The following SIL1 variants were observed in gnomAD, a reference collection of about 807,000 sequenced individuals.
The protein encoded by SIL1 is nucleotide exchange factor SIL1.
A neutral mutation model predicts 49.1 loss-of-function variants in SIL1; 40 were observed. That is an observed-to-expected ratio of 0.81 (90% CI 0.63 to 1.06). The LOEUF (loss-of-function observed/expected upper bound fraction) is 1.06, where lower values mean the gene tolerates loss of function less well. Among genes scored for constraint, SIL1 ranks in the 50% least tolerant of loss-of-function variants. SIL1 has a pLI of 0.00. For synonymous variants in SIL1, 253 were observed against 250.8 expected, an observed-to-expected ratio of 1.01 and a Z score of -0.08; for missense variants, 500 against 572.6, an observed-to-expected ratio of 0.87 and a Z score of 1.29.
chr5:139,112,574 GC>G (rs746321575), intron 3 of SIL1, among the ~76,000 whole-genome samples: 1 of 144,384 alleles, frequency 6.9e-6, no homozygotes, highest in South Asian at 2.2e-4. Context: ...CCCGGCAGCC[GC>G]CCCGTCTGGG....
At chr5:139,057,743 T>C (rs1355108224) in intron 3 of SIL1, among the ~76,000 whole-genome samples, 1 of 152,138 alleles carries the variant, frequency 6.6e-6, no homozygotes. Context: ...TATAACAGAG[T>C]AACTTAGACT....
intron 1 of SIL1, among the ~76,000 whole-genome samples, chr5:139,151,682 C>G (rs1751303868): frequency 6.6e-6 from 1 of 152,142 alleles, no homozygotes; most frequent in Non-Finnish European, 1.5e-5. Flanking sequence ...TGAGCTCCCG[C>G]AACTGCACAG....
chr5:139,063,324 A>G lies in SIL1; in HGVS notation c.245-12278T>C, dbSNP rs536710914. 2.0e-5 allele frequency among the ~76,000 whole-genome samples: 3 copies of G among 152,358 alleles called. No homozygotes were observed. The East Asian group carries it at 5.8e-4, about 29-fold the overall frequency. The stretch of plus-strand genomic sequence containing the variant: ...CCTAGGGGGCCTACCACAGCCCCCA[A>G]ATTTAATAAATCCAGGGATGGAATA... On this transcript the variant is annotated intron_variant, in intron 3 of 9. Transcript: ENST00000394817.
At chr5:139,113,196 A>G (rs62381240) in intron 3 of SIL1, among the ~76,000 whole-genome samples, 2,838 of 151,924 alleles carry the variant, frequency 0.019, 42 homozygotes, top group South Asian at 0.057. Context: ...GAAAACCAGA[A>G]ACCTTTGTTC....
intron 7 of SIL1, among the ~76,000 whole-genome samples, chr5:138,997,816 C>T (rs1386189137): frequency 6.6e-6 from 1 of 152,202 alleles, no homozygotes; most frequent in Non-Finnish European, 1.5e-5. Flanking sequence ...GCCTTGGCCT[C>T]CCAAACTGCT....
intron 3 of SIL1, among the ~76,000 whole-genome samples, chr5:139,107,637 T>C (rs1371602051): frequency 1.3e-5 from 2 of 152,206 alleles, no homozygotes; most frequent in African/African-American, 4.8e-5. Flanking sequence ...TCCTCCAATC[T>C]GTGACAGTTC....
intron 7 of SIL1, among the ~76,000 whole-genome samples, chr5:139,006,976 G>GT (rs1337401280): frequency 2.1e-5 from 3 of 143,708 alleles, no homozygotes; most frequent in African/African-American, 5.3e-5. Context: ...CTTTAAAGTA[G>GT]TTTTTTCCAA....
intron 3 of SIL1, among the ~76,000 whole-genome samples, chr5:139,099,610 T>G (rs1770543366): frequency 2.0e-5 from 3 of 151,794 alleles, no homozygotes; most frequent in Admixed American, 2.0e-4. Flanking sequence ...AAAAAAAGAA[T>G]GAGATCCTAT....
chr5:138,964,274 A>G (rs1015392656), intron 7 of SIL1, among the ~76,000 whole-genome samples: 19 of 152,336 alleles, frequency 1.2e-4, no homozygotes, highest in African/African-American at 4.3e-4. Context: ...CCAGGGCTAG[A>G]GCAAAGAACG....
chr5:139,060,344 G>A (rs1769558099), intron 3 of SIL1, among the ~76,000 whole-genome samples: 1 of 151,620 alleles, frequency 6.6e-6, no homozygotes, highest in Non-Finnish European at 1.5e-5. Flanking sequence ...CATTCCAATG[G>A]TCCCGAAACA....
chr5:139,027,421 C>A (rs1376959228), intron 5 of SIL1, among the ~76,000 whole-genome samples: 1 of 152,216 alleles, frequency 6.6e-6, no homozygotes, highest in East Asian at 1.9e-4. Flanking sequence ...CTTGCCCTAC[C>A]CAATCCAACA....
At chr5:139,061,178 GT>G (rs1769579758) in intron 3 of SIL1, among the ~76,000 whole-genome samples, 1 of 152,222 alleles carries the variant, frequency 6.6e-6, no homozygotes, top group Admixed American at 6.5e-5. Flanking sequence ...CCAGTGTCCA[GT>G]GCTTAGAAAC....
chr5:139,168,056 C>T (rs1298414794), intron 1 of SIL1, among the ~76,000 whole-genome samples: 2 of 152,150 alleles, frequency 1.3e-5, no homozygotes, highest in Non-Finnish European at 1.5e-5. Flanking sequence ...TACATAAATG[C>T]TTACCATTGT....
chr5:138,951,959 G>A (rs1403783967), intron 7 of SIL1, 75 bp from the exon 8 acceptor site: 1 of 1,286,588 alleles, frequency 7.8e-7, no homozygotes, highest in South Asian at 1.2e-5. Flanking sequence ...CTGAGCCCAT[G>A]TCAGCCATCC....
intron 7 of SIL1, among the ~76,000 whole-genome samples, chr5:138,957,087 G>GACACACACACAAT (rs1324706317): frequency 2.0e-5 from 3 of 151,938 alleles, no homozygotes; most frequent in Non-Finnish European, 4.4e-5. Context: ...CCTACTGACA[G>GACACACACACAAT]ACACACACAC....
At chr5:139,184,534 G>C (rs1305425211) in intron 1 of SIL1, among the ~76,000 whole-genome samples, 1 of 152,074 alleles carries the variant, frequency 6.6e-6, no homozygotes, top group Non-Finnish European at 1.5e-5. Context: ...AAATTAGCCA[G>C]GCATGGTGGC....
intron 1 of SIL1, among the ~76,000 whole-genome samples, chr5:139,151,023 A>G (rs1311854638): frequency 6.6e-6 from 1 of 152,192 alleles, no homozygotes; most frequent in Non-Finnish European, 1.5e-5. Context: ...AGCAATTTTC[A>G]GGAGGAGGAT....
chr5:139,043,702 G>A (rs1257444989), intron 4 of SIL1, among the ~76,000 whole-genome samples: 1 of 152,230 alleles, frequency 6.6e-6, no homozygotes, highest in Non-Finnish European at 1.5e-5. Flanking sequence ...CCCTGGAGCT[G>A]ATCCAAGCCA....
chr5:138,982,381 C>T (rs1269286294), intron 7 of SIL1, among the ~76,000 whole-genome samples: 1 of 152,192 alleles, frequency 6.6e-6, no homozygotes. Flanking sequence ...CAGCATCTGC[C>T]CCTCCCTCCA....
Sources: gnomAD v4.1 joint callset for allele counts (sites outside exome capture counted in the v4.1 genomes callset) on GRCh38, gnomAD v4.1.1 for gene constraint, MANE v1.5 for transcripts, NCBI Gene and HGNC (gene_info 2026-07-23, HGNC 2026-07-21) for gene names.